GFPT1: variants seen among roughly 807,000 people sequenced by gnomAD.
GFPT1 encodes glutamine--fructose-6-phosphate transaminase 1.
Under a neutral mutation model 92.0 loss-of-function variants are expected in GFPT1, and 40 were observed. That is an observed-to-expected ratio of 0.43 (90% CI 0.34 to 0.57). The LOEUF is 0.57. GFPT1 is among the 20% of genes least tolerant of loss of function. The pLI is 0.02. For missense variants in GFPT1, 448 were observed against 869.1 expected (o/e 0.52, Z 6.09); for synonymous variants, 269 against 280.6 (o/e 0.96, Z 0.41).
chr2:69,364,465 C>T lies in GFPT1; in HGVS notation c.224-795G>A, dbSNP rs1441790457. 2.6e-5 allele frequency among the ~76,000 whole-genome samples: 4 copies of T among 152,234 alleles called. No individual in the cohort carries two copies. The East Asian group carries it at 7.7e-4, about 29-fold the overall frequency. ...CTTTTAAATCTATATTTAATTCTTGCCTTAAAAAGTCATTATCAATTTAAT... is the reference window on the plus strand; with the variant it reads ...CTTTTAAATCTATATTTAATTCTTGTCTTAAAAAGTCATTATCAATTTAAT... On this transcript the variant is annotated intron_variant, in intron 3 of 19. Transcript: ENST00000357308.
At chr2:69,361,170 G>C (rs968743215) in intron 4 of GFPT1, among the ~76,000 whole-genome samples, 1 of 151,974 alleles carries the variant, frequency 6.6e-6, no homozygotes, top group Non-Finnish European at 1.5e-5. Flanking sequence ...AAAACTTGCC[G>C]GGTGCGGTGG....
At chr2:69,384,398 C>T (rs1672077656) in intron 1 of GFPT1, among the ~76,000 whole-genome samples, 1 of 152,024 alleles carries the variant, frequency 6.6e-6, no homozygotes, top group African/African-American at 2.4e-5. Flanking sequence ...CAATGCACAA[C>T]GTTGAAATAA....
chr2:69,360,328 C>CAAAAA (rs576395697), intron 4 of GFPT1, among the ~76,000 whole-genome samples: 1 of 78,446 alleles, frequency 1.3e-5, no homozygotes, highest in African/African-American at 5.0e-5. Context: ...GATTCTGTCT[C>CAAAAA]AAAAAAAAAA....
At chr2:69,338,885 C>T (rs375996670) in intron 13 of GFPT1, among the ~76,000 whole-genome samples, 9 of 151,662 alleles carry the variant, frequency 5.9e-5, no homozygotes, top group Admixed American at 2.6e-4. Context: ...CCGTAACCTC[C>T]GCCTCCCGGG....
chr2:69,326,243 G>T lies in GFPT1; in HGVS notation c.2056-10C>A. 9 of 1,346,782 alleles carry T rather than the reference G, an allele frequency of 6.7e-6. No individual in the cohort carries two copies. Among genetic ancestry groups the T allele is most frequent in the Non-Finnish European group, 9.2e-6 (9 of 974,818 alleles). 83.4% of individuals were successfully genotyped at this position (1,346,782 alleles called of 1,614,324 possible). Reference sequence around the variant, plus strand: ...TCCGTGGGAAATCAACCTGCAAAAAGAAAAAAAAAAAAAGCAAGATTTGAG... The same window carrying T: ...TCCGTGGGAAATCAACCTGCAAAAATAAAAAAAAAAAAAGCAAGATTTGAG... On this transcript the variant is annotated splice_polypyrimidine_tract_variant and intron_variant, in intron 19 of 19. Coordinates refer to ENST00000357308, the MANE Select transcript of GFPT1 (RefSeq NM_001244710.2).
chr2:69,343,328 G>A (rs751300386), intron 12 of GFPT1, among the ~76,000 whole-genome samples: 16 of 152,074 alleles, frequency 1.1e-4, no homozygotes, highest in South Asian at 2.1e-4. Flanking sequence ...AGAATGACAG[G>A]TACCTCCTCG....
intron 1 of GFPT1, 101 bp from the exon 2 acceptor site, chr2:69,374,214 T>G (rs535604775): frequency 3.6e-4 from 229 of 635,082 alleles, no homozygotes; most frequent in Middle Eastern, 1.3e-3. Flanking sequence ...AGATTCTGTC[T>G]TTCAAACATT....
chr2:69,356,227 C>G (rs1467694176), intron 7 of GFPT1, among the ~76,000 whole-genome samples: 1 of 152,094 alleles, frequency 6.6e-6, no homozygotes, highest in African/African-American at 2.4e-5. Context: ...CTCCTGACCT[C>G]AGATGATCCG....
At chr2:69,347,478 TTC>T (rs976035217) in intron 11 of GFPT1, among the ~76,000 whole-genome samples, 13 of 112,044 alleles carry the variant, frequency 1.2e-4, no homozygotes, top group African/African-American at 6.1e-4. Flanking sequence ...TGTTTTAAGC[TTC>T]TTTTTTTTTT....
chr2:69,379,946 T>C (rs1321490452), intron 1 of GFPT1, among the ~76,000 whole-genome samples: 2 of 151,920 alleles, frequency 1.3e-5, no homozygotes, highest in Non-Finnish European at 2.9e-5. Context: ...CTCGAACTCC[T>C]GGACTCAAGC....
At chr2:69,331,042 A>T (rs1026202105) in intron 15 of GFPT1, among the ~76,000 whole-genome samples, 3 of 152,204 alleles carry the variant, frequency 2.0e-5, no homozygotes, top group Non-Finnish European at 4.4e-5. Flanking sequence ...TAGGATACAG[A>T]ATTGTATGTA....
chr2:69,383,334 T>C (rs1322796991), intron 1 of GFPT1, among the ~76,000 whole-genome samples: 1 of 152,168 alleles, frequency 6.6e-6, no homozygotes, highest in Non-Finnish European at 1.5e-5. Flanking sequence ...CAGAACCTAT[T>C]AACCTCCATT....
chr2:69,328,563 C>T lies in GFPT1; in HGVS notation c.1726-125G>A, dbSNP rs931807091. 5 of 674,032 alleles carry T rather than the reference C, an allele frequency of 7.4e-6. No homozygotes were observed. The Middle Eastern group carries it at 1.6e-3, about 214-fold the overall frequency. The allele number at this position is 674,032 out of a possible 1,614,324, so 41.8% of individuals were successfully genotyped here. On this transcript the variant is annotated intron_variant, in intron 17 of 19. Coordinates refer to ENST00000357308, the MANE Select transcript of GFPT1 (RefSeq NM_001244710.2). ...TCTATCCAAAAGTATTAAAGGACCA[C>T]TGATCTATAAATATATCTAACAAGT...
Position 69,338,478 on chromosome 2 carries a change from G to A in GFPT1, c.1291C>T (p.Arg431Ter), listed in dbSNP as rs1670857628. The A allele has an allele frequency of 2.5e-6, 4 of 1,613,134 alleles. No individual in the cohort carries two copies. Among genetic ancestry groups the A allele is most frequent in the South Asian group, 2.2e-5 (2 of 91,056 alleles). ...CTAAGGAAAAAGCAAACATCATCTC[G>A]AAAGACTGGTGTGTTTCTGTCCAGG... ...DFLDRNTPVFRDDVCFFLSQS... is the reference protein window; with the variant it reads ...DFLDRNTPVF The change falls in exon 14 of 20, where the codon CGA becomes TGA. Residue 431 changes from arginine to a stop codon, truncating the protein, a stop_gained. Transcript: ENST00000357308. LOFTEE classifies it high-confidence loss of function.
At chr2:69,369,369 A>C (rs747105256) in intron 3 of GFPT1, among the ~76,000 whole-genome samples, 8 of 152,312 alleles carry the variant, frequency 5.3e-5, no homozygotes, top group African/African-American at 1.9e-4. Flanking sequence ...GGAGAATTTT[A>C]AAAATATTTT....
rs1203155708 is a variant in GFPT1, at chr2:69,326,801, A to G, written c.2055+113T>C. The stretch of plus-strand genomic sequence containing the variant: ...GCCATGAAAATATAACAGGTGACAG[A>G]TATATATTTGATAGATTTCTCAAAC... On this transcript the variant is annotated intron_variant, in intron 19 of 19. Transcript: ENST00000357308. 7 of 997,892 alleles carry G rather than the reference A, an allele frequency of 7.0e-6. No individual in the cohort carries two copies. The Admixed American group carries it at 1.3e-4, about 18-fold the overall frequency. The allele number at this position is 997,892 out of a possible 1,614,324, so 61.8% of individuals were successfully genotyped here.
chr2:69,333,554 GA>G (rs1399934502), intron 15 of GFPT1, among the ~76,000 whole-genome samples: 3 of 152,166 alleles, frequency 2.0e-5, no homozygotes, highest in African/African-American at 7.2e-5. Context: ...TGCTGACTCT[GA>G]AATTTTAAAC....
At chr2:69,384,443 T>C (rs919827071) in intron 1 of GFPT1, among the ~76,000 whole-genome samples, 3 of 151,432 alleles carry the variant, frequency 2.0e-5, no homozygotes, top group Admixed American at 2.0e-4. Context: ...TAGGGCCGGG[T>C]AAGGTGGCTC....
chr2:69,377,781 C>G (rs1032295001), intron 1 of GFPT1, among the ~76,000 whole-genome samples: 1 of 152,210 alleles, frequency 6.6e-6, no homozygotes, highest in Non-Finnish European at 1.5e-5. Flanking sequence ...AGTTTCATAG[C>G]CCTGTCCCTT....
Sources: allele counts gnomAD v4.1 joint callset (sites outside exome capture counted in the v4.1 genomes callset), GRCh38; gene constraint gnomAD v4.1.1; transcripts MANE v1.5; gene names NCBI Gene and HGNC (gene_info 2026-07-23, HGNC 2026-07-21).